Variants in MTHFD1L observed in about 807,000 individuals in gnomAD.
The protein encoded by MTHFD1L is monofunctional C1-tetrahydrofolate synthase, mitochondrial.
Under a neutral mutation model 119.5 loss-of-function variants are expected in MTHFD1L, and 81 were observed. The observed-to-expected ratio is 0.68, with a 90% CI of 0.57 to 0.82. The LOEUF (loss-of-function observed/expected upper bound fraction) is 0.82, where lower values mean the gene tolerates loss of function less well. Among genes scored for constraint, MTHFD1L ranks in the 40% least tolerant of loss-of-function variants. The probability of loss-of-function intolerance (pLI) is 0.00; values close to 1 mark genes in which losing one functional copy is unlikely to be tolerated. For missense variants in MTHFD1L, 1,125 were observed against 1,253.4 expected (o/e 0.90, Z 1.55); for synonymous variants, 430 against 475.2 (o/e 0.90, Z 1.24).
At position 150,867,071 on chromosome 6, in the gene MTHFD1L, C is replaced by T. The variant is rs1364963584; in HGVS notation, c.227+1022C>T. On this transcript the variant is annotated intron_variant, in intron 1 of 27. Coordinates refer to ENST00000367321, the MANE Select transcript of MTHFD1L (RefSeq NM_015440.5). ...CTTTCTCTCTGCCTTTCCTTCCTCCCTCTGCTCTCCCATTTTCCTCCCCAC... is the reference window on the plus strand; with the variant it reads ...CTTTCTCTCTGCCTTTCCTTCCTCCTTCTGCTCTCCCATTTTCCTCCCCAC... Among the ~76,000 whole-genome samples the T allele has an allele frequency of 2.6e-5, 4 of 152,194 alleles. No individual in the cohort carries two copies. In the East Asian group the frequency reaches 5.8e-4, roughly 22 times the overall value.
intron 20 of MTHFD1L, among the ~76,000 whole-genome samples, chr6:151,007,423 C>A (rs1229939156): frequency 4.0e-5 from 6 of 151,432 alleles, no homozygotes; most frequent in African/African-American, 1.2e-4. Context: ...TGATTTTTAG[C>A]AAGTGGGAGA....
intron 24 of MTHFD1L, among the ~76,000 whole-genome samples, chr6:151,025,393 C>A (rs1784491754): frequency 6.6e-6 from 1 of 152,232 alleles, no homozygotes; most frequent in South Asian, 2.1e-4. Flanking sequence ...ATTGGTAATG[C>A]AAGCCCTTGC....
chr6:151,033,173 G>A (rs4869969), intron 24 of MTHFD1L, among the ~76,000 whole-genome samples: 60,577 of 150,394 alleles, frequency 0.4, 13,834 homozygotes, highest in South Asian at 0.64. Context: ...GGCTTGAAGT[G>A]CAGTGGCGCG....
intron 1 of MTHFD1L, among the ~76,000 whole-genome samples, chr6:150,868,657 G>A (rs989239357): frequency 6.6e-6 from 1 of 152,158 alleles, no homozygotes; most frequent in African/African-American, 2.4e-5. Flanking sequence ...AATTCACTAA[G>A]CCAGGGGTCC....
chr6:150,898,824 G>C (rs1482958887), intron 7 of MTHFD1L: 1 of 362,458 alleles, frequency 2.8e-6, no homozygotes. Flanking sequence ...AAAGTATAGG[G>C]AAGATTATTA....
At chr6:150,896,063 C>G (rs1784158956) in intron 7 of MTHFD1L, among the ~76,000 whole-genome samples, 1 of 152,128 alleles carries the variant, frequency 6.6e-6, no homozygotes, top group African/African-American at 2.4e-5. Flanking sequence ...AGAGAGGAGA[C>G]TTTGCAAAGA....
chr6:150,969,666 G>A (rs962376123), intron 19 of MTHFD1L, among the ~76,000 whole-genome samples: 1 of 152,092 alleles, frequency 6.6e-6, no homozygotes, highest in Non-Finnish European at 1.5e-5. Context: ...CTTGTAAGTC[G>A]GAAAACAGAG....
At chr6:150,978,364 A>G (rs1365441649) in intron 20 of MTHFD1L, among the ~76,000 whole-genome samples, 3 of 152,168 alleles carry the variant, frequency 2.0e-5, no homozygotes, top group Non-Finnish European at 4.4e-5. Flanking sequence ...ATCCTTATCC[A>G]GAGGTGCTTG....
At chr6:151,093,826 C>A (rs1011820257) in intron 27 of MTHFD1L, among the ~76,000 whole-genome samples, 1 of 152,046 alleles carries the variant, frequency 6.6e-6, no homozygotes, top group Admixed American at 6.6e-5. Flanking sequence ...ACTAGAGGGC[C>A]CCATGGGTTC....
intron 2 of MTHFD1L, 24 bp from the exon 3 acceptor site, chr6:150,877,610 T>C: frequency 6.2e-7 from 1 of 1,613,466 alleles, no homozygotes; most frequent in Non-Finnish European, 8.5e-7. Flanking sequence ...TTTTATGTTG[T>C]TATGTTGTTT....
At chr6:150,979,918 A>T (rs904479564) in intron 20 of MTHFD1L, among the ~76,000 whole-genome samples, 2 of 151,808 alleles carry the variant, frequency 1.3e-5, no homozygotes, top group African/African-American at 4.8e-5. Flanking sequence ...TAAATATTCC[A>T]TCATTTTGGT....
intron 26 of MTHFD1L, among the ~76,000 whole-genome samples, chr6:151,062,053 TC>T (rs1178318107): frequency 6.6e-6 from 1 of 152,236 alleles, no homozygotes; most frequent in Non-Finnish European, 1.5e-5. Context: ...CATCAAGGCC[TC>T]TACCTGGAAG....
chr6:150,882,830 GA>G lies in MTHFD1L; in HGVS notation c.488del (p.Asn163ThrfsTer11). On this transcript the variant is annotated frameshift_variant, in exon 5 of 28. Coordinates refer to ENST00000367321, the MANE Select transcript of MTHFD1L (RefSeq NM_015440.5). LOFTEE classifies it high-confidence loss of function. ...VHGLALQISE[N>X]LFSNKVLNAL... is the part of the protein sequence containing the mutation. ...ATGGCCTTGCCCTTCAGATCTCTGA[GA>G]ACTTGTTTAGCAACAAAGTCCTCAA... 6.3e-7 allele frequency: 1 copy of G among 1,579,104 alleles called. No homozygotes were observed. Among genetic ancestry groups the G allele is most frequent in the Non-Finnish European group, 8.6e-7 (1 of 1,169,444 alleles).
intron 20 of MTHFD1L, among the ~76,000 whole-genome samples, chr6:150,978,528 C>G (rs1449770843): frequency 6.6e-6 from 1 of 152,158 alleles, no homozygotes; most frequent in Non-Finnish European, 1.5e-5. Context: ...AATTAAAACA[C>G]AGGGTGATCT....
In MTHFD1L at chr6:150,964,969, G is replaced by A; in HGVS notation, c.1945G>A (p.Gly649Arg). The change falls in exon 19 of 28, where the codon GGG becomes AGG. Residue 649 changes from glycine to arginine, a missense_variant and splice_region_variant. This residue lies in a region of MTHFD1L where 1,058 missense variants were observed against 1,151.2 expected (regional missense o/e 0.92). Coordinates refer to ENST00000367321, the MANE Select transcript of MTHFD1L (RefSeq NM_015440.5). ...SGQPVTADDLGVTGALTVLMK... is the reference protein window; with the variant it reads ...SGQPVTADDLRVTGALTVLMK... ...TCTAATGTTTTTCTCTCTCCTGTAG[G>A]GGGTGACAGGTGCTTTGACAGTTTT... 3 of 1,613,632 alleles carry A rather than the reference G, an allele frequency of 1.9e-6. No individual in the cohort carries two copies. The highest frequency in any genetic ancestry group is 2.5e-6 in the Non-Finnish European group (3 of 1,179,594).
intron 11 of MTHFD1L, among the ~76,000 whole-genome samples, chr6:150,931,502 C>T (rs141263770): frequency 7.2e-5 from 11 of 152,140 alleles, no homozygotes; most frequent in Admixed American, 5.2e-4. Context: ...GCCTTTGAAC[C>T]GTTTACCTAA....
intron 26 of MTHFD1L, among the ~76,000 whole-genome samples, chr6:151,073,461 TG>T: frequency 6.6e-6 from 1 of 152,246 alleles, no homozygotes; most frequent in East Asian, 1.9e-4. Context: ...TTAGCAGGCA[TG>T]CAAAGATCTA....
At chr6:150,925,704 G>A (rs1263868708) in intron 10 of MTHFD1L, among the ~76,000 whole-genome samples, 1 of 151,926 alleles carries the variant, frequency 6.6e-6, no homozygotes, top group Non-Finnish European at 1.5e-5. Flanking sequence ...GAATAGCCAA[G>A]AGAAACATGT....
intron 11 of MTHFD1L, among the ~76,000 whole-genome samples, chr6:150,935,937 G>T (rs1346058155): frequency 6.6e-6 from 1 of 152,188 alleles, no homozygotes; most frequent in Non-Finnish European, 1.5e-5. Context: ...ACAATTTTAT[G>T]AGGCCTTACT....
Sources: allele counts gnomAD v4.1 joint callset (sites outside exome capture counted in the v4.1 genomes callset), GRCh38; gene constraint gnomAD v4.1.1; regional missense constraint gnomAD v4.1.1; transcripts MANE v1.5; gene names NCBI Gene and HGNC (gene_info 2026-07-23, HGNC 2026-07-21).